Variants in PRTG observed in about 807,000 individuals in gnomAD.
PRTG encodes immunoglobulin superfamily, DCC subclass, member 5.
In PRTG, 67 loss-of-function variants were observed where a neutral mutation model predicts 122.5. That is an observed-to-expected ratio of 0.55 (90% confidence interval 0.45 to 0.67). PRTG has a LOEUF of 0.67. Ranked by LOEUF, PRTG falls within the 30% of genes least tolerant of loss-of-function variation. The probability of loss-of-function intolerance (pLI) is 0.00; values close to 1 mark genes in which losing one functional copy is unlikely to be tolerated. For missense variants in PRTG, 1,435 were observed against 1,415.4 expected (o/e 1.01, Z -0.22); for synonymous variants, 554 against 501.1 (o/e 1.11, Z -1.41).
rs779356008 is a variant in PRTG at position 55,626,989 on chromosome 15, T to C, written c.2927+19A>G. ...TTTAAATGTTTTTCACCTCAACATC[T>C]CTAGCAATGGAAACACACCTGGCTT... On this transcript the variant is annotated intron_variant, in intron 17 of 19. Transcript: ENST00000389286. 12 of 1,591,460 alleles carry C rather than the reference T, an allele frequency of 7.5e-6. No individual in the cohort carries two copies. Among genetic ancestry groups the C allele is most frequent in the Non-Finnish European group, 1.0e-5 (12 of 1,171,554 alleles).
At chr15:55,681,875 T>C (rs555205029) in intron 4 of PRTG, among the ~76,000 whole-genome samples, 1 of 152,202 alleles carries the variant, frequency 6.6e-6, no homozygotes, top group South Asian at 2.1e-4. Flanking sequence ...GCCCTCAGTA[T>C]CTGTGGGTTG....
rs1345734867 is a variant in PRTG, at chr15:55,613,726, T to C, written c.*6286A>G. On this transcript the variant is annotated 3_prime_UTR_variant, in exon 20 of 20. Transcript: ENST00000389286. ...AAAACAGTTGTATCTGGTCACACTATGGAAGGCACTATGACCCTGGGTGAT... is the reference window on the plus strand; with the variant it reads ...AAAACAGTTGTATCTGGTCACACTACGGAAGGCACTATGACCCTGGGTGAT... The C allele has an allele frequency of 6.6e-6, 1 of 151,542 alleles. No homozygotes were observed. Among genetic ancestry groups the C allele is most frequent in the Non-Finnish European group, 1.5e-5 (1 of 67,906 alleles). The allele number at this position is 151,542 out of a possible 1,614,324, so 9.4% of individuals were successfully genotyped here.
intron 2 of PRTG, among the ~76,000 whole-genome samples, chr15:55,733,007 C>T (rs1008088212): frequency 5.3e-5 from 8 of 151,652 alleles, no homozygotes; most frequent in African/African-American, 1.2e-4. Context: ...GTCAAGAGAT[C>T]GAGACCATTC....
At chr15:55,645,231 C>T (rs2059314155) in intron 11 of PRTG, among the ~76,000 whole-genome samples, 1 of 150,556 alleles carries the variant, frequency 6.6e-6, no homozygotes, top group South Asian at 2.1e-4. Flanking sequence ...GTCAGGAGAT[C>T]GAGACCATCC....
intron 2 of PRTG, among the ~76,000 whole-genome samples, chr15:55,719,817 C>T (rs28489760): frequency 0.096 from 14,572 of 152,034 alleles, 834 homozygotes; most frequent in Middle Eastern, 0.18. Flanking sequence ...CCAGCACTTT[C>T]GGAGGTCGAG....
At chr15:55,728,201 C>A (rs2031105981) in intron 2 of PRTG, among the ~76,000 whole-genome samples, 1 of 152,150 alleles carries the variant, frequency 6.6e-6, no homozygotes, top group African/African-American at 2.4e-5. Context: ...AATACCAATT[C>A]TTCTCAAAAT....
chr15:55,705,154 T>C (rs1258037439), intron 2 of PRTG, among the ~76,000 whole-genome samples: 12 of 152,112 alleles, frequency 7.9e-5, no homozygotes, highest in Non-Finnish European at 1.8e-4. Flanking sequence ...AGTCAAATGG[T>C]GCTTTAAAAA....
intron 2 of PRTG, chr15:55,738,624 T>C (rs2031510153): frequency 1.5e-6 from 1 of 649,428 alleles, no homozygotes; most frequent in Non-Finnish European, 2.8e-6. Flanking sequence ...ATGAACAGAA[T>C]ATAAGCATAA....
intron 18 of PRTG, among the ~76,000 whole-genome samples, chr15:55,622,281 G>A (rs1203222079): frequency 2.7e-5 from 4 of 145,482 alleles, no homozygotes; most frequent in Admixed American, 7.0e-5. Context: ...AATATGGCGC[G>A]ATCTCGGCTC....
intron 2 of PRTG, among the ~76,000 whole-genome samples, chr15:55,688,694 C>T (rs963120418): frequency 2.0e-5 from 3 of 152,088 alleles, no homozygotes; most frequent in Admixed American, 6.5e-5. Flanking sequence ...ATTAGCTGGG[C>T]GTTGTGGTGC....
At chr15:55,633,512 A>C (rs1337113409) in intron 15 of PRTG, among the ~76,000 whole-genome samples, 3 of 152,186 alleles carry the variant, frequency 2.0e-5, no homozygotes, top group Non-Finnish European at 4.4e-5. Context: ...TGATTCACAA[A>C]AACTACCTTG....
intron 2 of PRTG, among the ~76,000 whole-genome samples, chr15:55,723,901 G>A (rs903745298): frequency 1.3e-5 from 2 of 151,930 alleles, no homozygotes. Context: ...ACAGGTGCCT[G>A]CCACCACACC....
intron 11 of PRTG, among the ~76,000 whole-genome samples, chr15:55,644,830 T>C (rs1432270925): frequency 1.3e-5 from 2 of 152,136 alleles, no homozygotes; most frequent in African/African-American, 4.8e-5. Context: ...AAAAAGATTA[T>C]AGGACATAGG....
intron 2 of PRTG, among the ~76,000 whole-genome samples, chr15:55,730,787 G>C (rs952386196): frequency 1.3e-5 from 2 of 152,058 alleles, no homozygotes; most frequent in African/African-American, 4.8e-5. Flanking sequence ...GCAACAGAGA[G>C]CAAGACTCTG....
In PRTG at chr15:55,656,360, C is replaced by T. The variant is rs530295219; in HGVS notation, c.2042-15152G>A. On this transcript the variant is annotated intron_variant, in intron 11 of 19. Coordinates refer to ENST00000389286, the MANE Select transcript of PRTG (RefSeq NM_173814.6). ...GTTTCATTATTAGATTCGGGCTAAA[C>T]ATTTTTGACAAGAATACTACAAAGG... 48 of 455,672 alleles carry T rather than the reference C, an allele frequency of 1.1e-4. No individual in the cohort carries two copies. The East Asian group carries it at 2.6e-3, about 24-fold the overall frequency. The allele number at this position is 455,672 out of a possible 1,614,324, so 28.2% of individuals were successfully genotyped here.
At position 55,679,248 on chromosome 15, in the gene PRTG, T is replaced by C. The variant is rs181871048; in HGVS notation, c.1133+38A>G. 1.5e-4 allele frequency: 213 copies of C among 1,387,632 alleles called. No homozygotes were observed. The African/African-American group carries it at 2.6e-3, about 17-fold the overall frequency. The allele number at this position is 1,387,632 out of a possible 1,614,324, so 86.0% of individuals were successfully genotyped here. ...CACATAAAAATTACTAAAGCCATTA[T>C]ATCATATATAAAATGGTAGCAAAGT... On this transcript the variant is annotated intron_variant, in intron 7 of 19. Coordinates refer to ENST00000389286, the MANE Select transcript of PRTG (RefSeq NM_173814.6).
chr15:55,678,063 T>A lies in PRTG; in HGVS notation c.1134-19A>T, dbSNP rs1240042907. The A allele has an allele frequency of 1.0e-5, 15 of 1,470,480 alleles. No individual in the cohort carries two copies. Among genetic ancestry groups the A allele is most frequent in the Non-Finnish European group, 1.4e-5 (15 of 1,069,336 alleles). The allele number at this position is 1,470,480 out of a possible 1,614,324, so 91.1% of individuals were successfully genotyped here. On this transcript the variant is annotated intron_variant, in intron 7 of 19. Transcript: ENST00000389286. ...CAATTTACTAGGGAAAGAAAAAAAA[T>A]TATTTCCATGAAAAATTCTAAGAAT...
intron 2 of PRTG, among the ~76,000 whole-genome samples, chr15:55,695,702 G>A (rs775843304): frequency 3.9e-5 from 6 of 152,156 alleles, no homozygotes; most frequent in Admixed American, 2.0e-4. Flanking sequence ...GGGAGGGCTG[G>A]GCGCAGCGGC....
At chr15:55,673,750 T>C in intron 9 of PRTG, 74 bp from the exon 10 acceptor site, 1 of 1,116,386 alleles carries the variant, frequency 9.0e-7, no homozygotes, top group South Asian at 1.4e-5. Flanking sequence ...AGTAACTGAA[T>C]TCTCTTAATT....
Sources: gnomAD v4.1 joint callset for allele counts (sites outside exome capture counted in the v4.1 genomes callset) on GRCh38, gnomAD v4.1.1 for gene constraint, MANE v1.5 for transcripts, NCBI Gene and HGNC (gene_info 2026-07-23, HGNC 2026-07-21) for gene names.